Variants in ZNF611 observed in about 807,000 individuals in gnomAD.
ZNF611 encodes the protein zinc finger protein 611.
In ZNF611, 6 loss-of-function variants were observed where a neutral mutation model predicts 8.9. The observed-to-expected ratio is 0.68, with a 90% CI of 0.37 to 1.34. The LOEUF (loss-of-function observed/expected upper bound fraction) is 1.34, where lower values mean the gene tolerates loss of function less well. Ranked by LOEUF, ZNF611 falls within the 40% of genes most tolerant of loss-of-function variation. The pLI is 0.02. For synonymous variants in ZNF611, 262 were observed against 279.7 expected, an observed-to-expected ratio of 0.94 and a Z score of 0.63; for missense variants, 874 against 841.3, an observed-to-expected ratio of 1.04 and a Z score of -0.48.
intron 3 of ZNF611, among the ~76,000 whole-genome samples, chr19:52,716,418 C>CT (rs1351675066): frequency 6.6e-6 from 1 of 152,226 alleles, no homozygotes; most frequent in Non-Finnish European, 1.5e-5. Context: ...TGCCTCGACT[C>CT]TAACGTGAAG....
chr19:52,725,771 C>T (rs993784596), intron 3 of ZNF611, among the ~76,000 whole-genome samples: 2 of 152,180 alleles, frequency 1.3e-5, no homozygotes, highest in Non-Finnish European at 2.9e-5. Flanking sequence ...GGGTTTGCTG[C>T]GCAGGACAGA....
Position 52,704,372 on chromosome 19 carries a change from A to G in ZNF611, c.*565T>C, listed in dbSNP as rs1419325707. 4.7e-6 allele frequency: 3 copies of G among 636,778 alleles called. No homozygotes were observed. Among genetic ancestry groups the G allele is most frequent in the East Asian group, 7.0e-5 (2 of 28,702 alleles). The allele number at this position is 636,778 out of a possible 1,614,324, so 39.4% of individuals were successfully genotyped here. On this transcript the variant is annotated 3_prime_UTR_variant, in exon 6 of 6. Coordinates refer to ENST00000652185, the MANE Select transcript of ZNF611 (RefSeq NM_001161499.2). ...CATTTGTAAGATTTCTGTCCAGTAT[A>G]GATTCTCTGATGTCTAATGACGTGT...
intron 5 of ZNF611, among the ~76,000 whole-genome samples, chr19:52,710,226 ATT>A (rs574509484): frequency 4.5e-4 from 60 of 132,478 alleles, no homozygotes; most frequent in Non-Finnish European, 5.4e-4. Context: ...TGCCTGGCTA[ATT>A]TTTTTTTTTT....
intron 1 of ZNF611, among the ~76,000 whole-genome samples, chr19:52,730,389 C>T (rs547345408): frequency 0.014 from 864 of 60,116 alleles, 11 homozygotes; most frequent in African/African-American, 0.053. Context: ...CAGACTCCGT[C>T]TCAAAAAAAA....
rs1568597933 is a variant in ZNF611 at position 52,704,046 on chromosome 19, C to G, written c.*891G>C. Reference sequence around the variant, plus strand: ...AAGTGGCTCACATCTGTTGGCCATGCTGGTTTCAAACTCCTGACCTCAAGT... The same window carrying G: ...AAGTGGCTCACATCTGTTGGCCATGGTGGTTTCAAACTCCTGACCTCAAGT... On this transcript the variant is annotated 3_prime_UTR_variant, in exon 6 of 6. Coordinates refer to ENST00000652185, the MANE Select transcript of ZNF611 (RefSeq NM_001161499.2). The G allele has an allele frequency of 5.3e-6, 1 of 190,244 alleles. No homozygotes were observed. The highest frequency in any genetic ancestry group is 2.4e-5 in the African/African-American group (1 of 41,900). The allele number at this position is 190,244 out of a possible 1,614,324, so 11.8% of individuals were successfully genotyped here.
intron 5 of ZNF611, among the ~76,000 whole-genome samples, chr19:52,712,596 C>T (rs2147424750): frequency 6.6e-6 from 1 of 151,048 alleles, no homozygotes; most frequent in East Asian, 1.9e-4. Context: ...TGAGATTGCA[C>T]CACTGCACTC....
Position 52,706,472 on chromosome 19 carries a change from T to G in ZNF611, c.583A>C (p.Arg195=), listed in dbSNP as rs547899138. 2.5e-6 allele frequency: 4 copies of G among 1,614,204 alleles called. No individual in the cohort carries two copies. The East Asian group carries it at 8.9e-5, about 36-fold the overall frequency. Residue 195 remains arginine (R), a synonymous_variant, in exon 6 of 6, where the codon AGA becomes CGA. Coordinates refer to ENST00000652185, the MANE Select transcript of ZNF611 (RefSeq NM_001161499.2). ...NDAPSVSTFQ[R]ISCRPQTQIS... ...TGGGTTTGGGGCCTACAGGAAATTCTTTGGAATGTTGAAACTGAGGGAGCA... is the reference window on the plus strand; with the variant it reads ...TGGGTTTGGGGCCTACAGGAAATTCGTTGGAATGTTGAAACTGAGGGAGCA...
At position 52,703,296 on chromosome 19, in the gene ZNF611, G is replaced by GT. The variant is rs1435154917; in HGVS notation, c.*1640dup. On this transcript the variant is annotated 3_prime_UTR_variant, in exon 6 of 6. Transcript: ENST00000652185. ...GGTCTTTTTTTGTTATTTTTTGTTT[G>GT]TTTGAGATGGAGACTCACTCTGCCA... 6.6e-6 allele frequency: 1 copy of GT among 151,958 alleles called. No individual in the cohort carries two copies. The highest frequency in any genetic ancestry group is 2.4e-5 in the African/African-American group (1 of 41,388). 9.4% of individuals were successfully genotyped at this position (151,958 alleles called of 1,614,324 possible).
chr19:52,721,719 G>C lies in ZNF611; in HGVS notation c.-19-5806C>G, dbSNP rs370546636. ...GGAGAGGGAGAGGCAGAGGCAGAGGGAGAGGGAGAGGGAAAGGGAGAGGGA... is the reference window on the plus strand; with the variant it reads ...GGAGAGGGAGAGGCAGAGGCAGAGGCAGAGGGAGAGGGAAAGGGAGAGGGA... On this transcript the variant is annotated intron_variant, in intron 3 of 5. Transcript: ENST00000652185. Among the ~76,000 whole-genome samples the C allele has an allele frequency of 1.8e-3, 268 of 151,658 alleles. 1 individual carries two copies. The highest frequency in any genetic ancestry group is 4.9e-3 in the African/African-American group (203 of 41,254).
At chr19:52,730,274 C>T (rs10407070) in intron 1 of ZNF611, among the ~76,000 whole-genome samples, 1 of 150,972 alleles carries the variant, frequency 6.6e-6, no homozygotes, top group Non-Finnish European at 1.5e-5. Context: ...TGCCTGTAGT[C>T]TCAGCTACTC....
rs560104451 is a variant in ZNF611, at chr19:52,729,189, A to G, written c.-121-358T>C. 2.0e-5 allele frequency among the ~76,000 whole-genome samples: 3 copies of G among 152,360 alleles called. No homozygotes were observed. In the South Asian group the frequency reaches 6.2e-4, roughly 32 times the overall value. ...AGTATATATTCTTCATATTTACAGA[A>G]TATCTTCTGTATACAAATAAATGCT... On this transcript the variant is annotated intron_variant, in intron 2 of 5. Transcript: ENST00000652185.
rs1215439227 is a variant in ZNF611 at position 52,715,797 on chromosome 19, GAC to G, written c.63+33_63+34del. ...AATACCTGGCATTTCAGAAACGAAA[GAC>G]ACAGATTAATCCACAGAGGAATATC... On this transcript the variant is annotated intron_variant, in intron 4 of 5. Coordinates refer to ENST00000652185, the MANE Select transcript of ZNF611 (RefSeq NM_001161499.2). 10 of 1,604,974 alleles carry G rather than the reference GAC, an allele frequency of 6.2e-6. No homozygotes were observed. The South Asian group carries it at 6.6e-5, about 11-fold the overall frequency.
chr19:52,732,408 C>T (rs2062431676), intron 1 of ZNF611, among the ~76,000 whole-genome samples: 1 of 127,734 alleles, frequency 7.8e-6, no homozygotes, highest in African/African-American at 3.4e-5. Flanking sequence ...GAATAACTCA[C>T]AGTATTGAGT....
At chr19:52,727,533 G>C (rs1375993149) in intron 3 of ZNF611, among the ~76,000 whole-genome samples, 3 of 152,180 alleles carry the variant, frequency 2.0e-5, no homozygotes, top group African/African-American at 7.2e-5. Context: ...TCCCGAGGCA[G>C]GGGGAGAAAC....
intron 4 of ZNF611, 104 bp downstream of exon 4, chr19:52,715,728 G>A (rs141533189): frequency 1.9e-5 from 29 of 1,547,616 alleles, no homozygotes; most frequent in Middle Eastern, 1.7e-4. Context: ...GCGAGTGAAC[G>A]TGTCAGACAA....
chr19:52,718,120 T>C (rs2062330018), intron 3 of ZNF611, among the ~76,000 whole-genome samples: 1 of 151,766 alleles, frequency 6.6e-6, no homozygotes, highest in African/African-American at 2.4e-5. Context: ...CAGGGCATGA[T>C]CACAAGGTTA....
At position 52,705,614 on chromosome 19, in the gene ZNF611, G is replaced by A; in HGVS notation, c.1441C>T (p.Pro481Ser). The change falls in exon 6 of 6, where the codon CCT becomes TCT. Residue 481 changes from proline (P) to serine (S), a missense_variant. Pro to Ser is a moderately conservative substitution (Grantham distance 74). Transcript: ENST00000652185. Reference protein sequence around the residue: ...KHTRIDCGEKPYKCNECGKTF... With the variant: ...KHTRIDCGEKSYKCNECGKTF... The stretch of plus-strand genomic sequence containing the variant: ...TTCCCACATTCATTACACTTGTAAG[G>A]TTTTTCTCCACAGTCAATTCTAGTA... 6.2e-7 allele frequency: 1 copy of A among 1,613,870 alleles called. No homozygotes were observed. Among genetic ancestry groups the A allele is most frequent in the Non-Finnish European group, 8.5e-7 (1 of 1,179,940 alleles).
At chr19:52,713,347 G>A (rs571744444) in intron 5 of ZNF611, among the ~76,000 whole-genome samples, 13 of 152,174 alleles carry the variant, frequency 8.5e-5, no homozygotes, top group Non-Finnish European at 1.9e-4. Context: ...TCTCTTACAG[G>A]GTTGATCCTA....
At chr19:52,725,360 G>A (rs749693181) in intron 3 of ZNF611, among the ~76,000 whole-genome samples, 8 of 152,194 alleles carry the variant, frequency 5.3e-5, no homozygotes, top group Non-Finnish European at 8.8e-5. Context: ...CTGGGGCCCC[G>A]GCGCTGCGCT....
Sources: allele counts gnomAD v4.1 joint callset (sites outside exome capture counted in the v4.1 genomes callset), GRCh38; gene constraint gnomAD v4.1.1; transcripts MANE v1.5; gene names NCBI Gene and HGNC (gene_info 2026-07-23, HGNC 2026-07-21).